Variants in VDAC1 observed in about 807,000 individuals in gnomAD.
The protein encoded by VDAC1 is voltage dependent anion channel 1.
Under a neutral mutation model 34.7 loss-of-function variants are expected in VDAC1, and 10 were observed. That is an observed-to-expected ratio of 0.29 (90% CI 0.18 to 0.49). The LOEUF (loss-of-function observed/expected upper bound fraction) is 0.49, where lower values mean the gene tolerates loss of function less well. Ranked by LOEUF, VDAC1 falls within the 20% of genes least tolerant of loss-of-function variation. VDAC1 has a pLI of 0.99. For missense variants in VDAC1, 230 were observed against 347.9 expected, an observed-to-expected ratio of 0.66 and a Z score of 2.69; for synonymous variants, 130 against 136.0, an observed-to-expected ratio of 0.96 and a Z score of 0.30.
chr5:134,114,392 C>T, the VDAC1 span, among the ~76,000 whole-genome samples: 8 of 152,152 alleles, frequency 5.3e-5, no homozygotes, highest in Non-Finnish European at 1.0e-4. Context: ...AGGGGACCCC[C>T]GCCCTCCACA....
the VDAC1 span, among the ~76,000 whole-genome samples, chr5:134,102,654 G>T: frequency 2.0e-5 from 3 of 152,124 alleles, no homozygotes; most frequent in Non-Finnish European, 4.4e-5. Context: ...GGCAACAAAA[G>T]TGAAACTCTG....
chr5:134,065,337 ATTTT>A, the VDAC1 span, among the ~76,000 whole-genome samples: 237 of 101,388 alleles, frequency 2.3e-3, no homozygotes, highest in South Asian at 6.5e-3. Flanking sequence ...TTTAATTTTA[ATTTT>A]TTTTTTTTTT....
the VDAC1 span, among the ~76,000 whole-genome samples, chr5:134,112,489 T>C: frequency 6.6e-6 from 1 of 152,128 alleles, no homozygotes; most frequent in South Asian, 2.1e-4. Context: ...AGTCCCACTC[T>C]CCCTACTCAC....
At chr5:134,084,626 ACT>A in the VDAC1 span, among the ~76,000 whole-genome samples, 1 of 152,130 alleles carries the variant, frequency 6.6e-6, no homozygotes, top group African/African-American at 2.4e-5. Context: ...AGCCACTTCA[ACT>A]CTCTGTGCCT....
At chr5:134,059,620 G>C in the VDAC1 span, among the ~76,000 whole-genome samples, 1 of 151,872 alleles carries the variant, frequency 6.6e-6, no homozygotes, top group Non-Finnish European at 1.5e-5. Flanking sequence ...GCACACCCCC[G>C]AGCCATTTGG....
chr5:134,016,730 G>A, the VDAC1 span, among the ~76,000 whole-genome samples: 1 of 152,224 alleles, frequency 6.6e-6, no homozygotes, highest in Non-Finnish European at 1.5e-5. Context: ...GATGAGGCCA[G>A]ATGCAATTAA....
At chr5:134,059,968 C>T in the VDAC1 span, among the ~76,000 whole-genome samples, 3 of 151,738 alleles carry the variant, frequency 2.0e-5, no homozygotes, top group African/African-American at 7.2e-5. Flanking sequence ...ACACCCACCC[C>T]CAGGACTCTG....
chr5:134,072,231 A>G, the VDAC1 span, among the ~76,000 whole-genome samples: 1 of 152,134 alleles, frequency 6.6e-6, no homozygotes. Flanking sequence ...ATGAACAATA[A>G]CCAGTCAAGA....
At chr5:134,061,167 C>CT in the VDAC1 span, among the ~76,000 whole-genome samples, 1,231 of 127,088 alleles carry the variant, frequency 9.7e-3, 31 homozygotes, top group African/African-American at 0.03. Context: ...ATCTAGCCTC[C>CT]TTTTTTTTTT....
chr5:134,050,316 G>T, the VDAC1 span, among the ~76,000 whole-genome samples: 1 of 152,132 alleles, frequency 6.6e-6, no homozygotes, highest in Non-Finnish European at 1.5e-5. Context: ...ACTGTTTCCT[G>T]ATTTGAAGTA....
intron 1 of VDAC1, among the ~76,000 whole-genome samples, chr5:133,995,264 G>A (rs889692219): frequency 1.4e-4 from 22 of 152,172 alleles, no homozygotes; most frequent in African/African-American, 5.1e-4. Flanking sequence ...GGGGCTGTGG[G>A]GTTCCACAAC....
chr5:134,112,978 G>A, the VDAC1 span, among the ~76,000 whole-genome samples: 1 of 152,184 alleles, frequency 6.6e-6, no homozygotes, highest in African/African-American at 2.4e-5. Context: ...AAGCCATTGG[G>A]TTGGGCAGAT....
rs776981869 is a variant in VDAC1 at position 133,973,808 on chromosome 5, G to C, written c.743C>G (p.Thr248Ser). Reference protein sequence around the residue: ...NNSSLIGLGYTQTLKPGIKLT... With the variant: ...NNSSLIGLGYSQTLKPGIKLT... Reference sequence around the variant, plus strand: ...ACACATACCTGGCTTTAGAGTCTGAGTGTATCCTAAACCTATCAGGCTGGA... The same window carrying C: ...ACACATACCTGGCTTTAGAGTCTGACTGTATCCTAAACCTATCAGGCTGGA... The change falls in exon 8 of 9, where the codon ACT (threonine) becomes AGT (serine). Residue 248 changes from threonine (T) to serine (S), a missense_variant. Physicochemically the swap from Thr to Ser is moderately conservative, Grantham distance 58. Transcript: ENST00000265333. The C allele has an allele frequency of 6.2e-7, 1 of 1,612,578 alleles. No individual in the cohort carries two copies. Among genetic ancestry groups the C allele is most frequent in the South Asian group, 1.1e-5 (1 of 90,762 alleles).
the VDAC1 span, among the ~76,000 whole-genome samples, chr5:134,041,608 G>A: frequency 1.3e-5 from 2 of 152,320 alleles, no homozygotes; most frequent in East Asian, 3.9e-4. Flanking sequence ...AAGATGGTGG[G>A]ACCGAGCTGG....
the VDAC1 span, among the ~76,000 whole-genome samples, chr5:134,026,414 C>A: frequency 7.0e-4 from 104 of 147,848 alleles, 2 homozygotes; most frequent in East Asian, 0.019. Context: ...ACTCGGGAGG[C>A]TGAGGCAGGA....
At chr5:134,022,445 G>C in the VDAC1 span, among the ~76,000 whole-genome samples, 3 of 152,210 alleles carry the variant, frequency 2.0e-5, no homozygotes, top group Non-Finnish European at 2.9e-5. Flanking sequence ...TAGTGGAAGA[G>C]TATCACTTGG....
At chr5:134,006,410 C>T (rs532808675), upstream of VDAC1, among the ~76,000 whole-genome samples, 13 of 152,136 alleles carry the variant, frequency 8.5e-5, no homozygotes, top group Non-Finnish European at 1.8e-4. Flanking sequence ...TGTCGAAGGG[C>T]TTCCTCCCCT....
At chr5:134,102,427 G>A in the VDAC1 span, among the ~76,000 whole-genome samples, 1 of 150,378 alleles carries the variant, frequency 6.6e-6, no homozygotes, top group African/African-American at 2.5e-5. Context: ...CCAGCACTTT[G>A]GGAGGCTGAG....
the VDAC1 span, among the ~76,000 whole-genome samples, chr5:134,094,479 C>T: frequency 1.3e-5 from 2 of 152,186 alleles, no homozygotes; most frequent in African/African-American, 4.8e-5. Flanking sequence ...GGGCAGATCA[C>T]GAGGTCAGGA....
Sources: gnomAD v4.1 joint callset for allele counts (sites outside exome capture counted in the v4.1 genomes callset) on GRCh38, gnomAD v4.1.1 for gene constraint, MANE v1.5 for transcripts, NCBI Gene and HGNC (gene_info 2026-07-23, HGNC 2026-07-21) for gene names.